Variants in ZNF385D observed in about 807,000 individuals in gnomAD.
ZNF385D encodes zinc finger protein 385D.
Under a neutral mutation model 35.8 loss-of-function variants are expected in ZNF385D, and 15 were observed. That is an observed-to-expected ratio of 0.42 (90% CI 0.28 to 0.64). The LOEUF (loss-of-function observed/expected upper bound fraction) is 0.64. Among genes scored for constraint, ZNF385D ranks in the 30% least tolerant of loss-of-function variants. The pLI, the probability that ZNF385D is intolerant of heterozygous loss-of-function variation, is 0.23. For synonymous variants in ZNF385D, 212 were observed against 186.8 expected, an observed-to-expected ratio of 1.13 and a Z score of -1.10; for missense variants, 474 against 494.6, an observed-to-expected ratio of 0.96 and a Z score of 0.39.
At chr3:21,678,789 T>G (rs916988030) in intron 1 of ZNF385D, among the ~76,000 whole-genome samples, 1 of 152,124 alleles carries the variant, frequency 6.6e-6, no homozygotes, top group Non-Finnish European at 1.5e-5. Context: ...TGATCTGTAC[T>G]GCATATAGTT....
intron 2 of ZNF385D, among the ~76,000 whole-genome samples, chr3:22,357,814 C>G (rs780027120): frequency 6.6e-6 from 1 of 151,856 alleles, no homozygotes; most frequent in African/African-American, 2.4e-5. Context: ...CTTCCATTCA[C>G]ATTTCATTGG....
intron 3 of ZNF385D, among the ~76,000 whole-genome samples, chr3:22,049,277 C>T (rs1366618081): frequency 2.1e-5 from 2 of 95,728 alleles, no homozygotes; most frequent in East Asian, 6.8e-4. Context: ...GCCTGGGAAA[C>T]AAGAGCGAAA....
At chr3:21,945,842 T>C (rs1482676730) in intron 3 of ZNF385D, among the ~76,000 whole-genome samples, 2 of 152,224 alleles carry the variant, frequency 1.3e-5, no homozygotes, top group African/African-American at 4.8e-5. Flanking sequence ...TATGTGTTTA[T>C]ACTGGAAACA....
chr3:22,044,951 A>C (rs1487918386), intron 3 of ZNF385D, among the ~76,000 whole-genome samples: 3 of 152,110 alleles, frequency 2.0e-5, no homozygotes, highest in African/African-American at 7.2e-5. Context: ...TACATAAAAA[A>C]AGACTGAGCT....
intron 3 of ZNF385D, among the ~76,000 whole-genome samples, chr3:21,848,634 A>G (rs982258511): frequency 6.6e-6 from 1 of 152,046 alleles, no homozygotes; most frequent in Non-Finnish European, 1.5e-5. Context: ...TGGACAATCT[A>G]AAAGAAATAA....
At chr3:21,737,128 C>T (rs6765261) in intron 1 of ZNF385D, among the ~76,000 whole-genome samples, 19,515 of 151,968 alleles carry the variant, frequency 0.13, 1,359 homozygotes, top group African/African-American at 0.19. Context: ...TTAGTAGGAA[C>T]GGAGTTTCAC....
chr3:22,132,999 G>A (rs746589640), intron 3 of ZNF385D, among the ~76,000 whole-genome samples: 5 of 152,022 alleles, frequency 3.3e-5, no homozygotes, highest in East Asian at 1.9e-4. Context: ...TAAAATGAAA[G>A]GGTTAGACTA....
intron 2 of ZNF385D, among the ~76,000 whole-genome samples, chr3:21,641,665 G>T (rs2065609932): frequency 7.1e-6 from 1 of 140,890 alleles, no homozygotes; most frequent in Non-Finnish European, 1.5e-5. Flanking sequence ...ATATAGAGAT[G>T]GGGTTTTGCC....
At chr3:22,085,433 G>C (rs558825275) in intron 3 of ZNF385D, among the ~76,000 whole-genome samples, 1 of 152,280 alleles carries the variant, frequency 6.6e-6, no homozygotes, top group South Asian at 2.1e-4. Context: ...TATCATCAGA[G>C]AATACTATAA....
chr3:21,812,956 C>G (rs1220629433), intron 3 of ZNF385D, among the ~76,000 whole-genome samples: 1 of 152,206 alleles, frequency 6.6e-6, no homozygotes, highest in East Asian at 1.9e-4. Context: ...TACGGGCCAA[C>G]TGACACCTCA....
At chr3:21,880,411 G>T (rs1224976944) in intron 3 of ZNF385D, among the ~76,000 whole-genome samples, 3 of 151,860 alleles carry the variant, frequency 2.0e-5, no homozygotes. Flanking sequence ...CACTGTATCT[G>T]TCATGTTGAT....
Position 21,737,512 on chromosome 3 carries a change from G to A in ZNF385D, c.22+13383C>T, listed in dbSNP as rs555984637. Among the ~76,000 whole-genome samples the A allele has an allele frequency of 8.5e-4, 129 of 151,160 alleles. 3 individuals carry two copies. The highest frequency in any genetic ancestry group is 3.0e-3 in the African/African-American group (125 of 41,194). On this transcript the variant is annotated intron_variant, in intron 1 of 7. Transcript: ENST00000281523. ...ACATACACATAAGATAGATAGATAC[G>A]TATGTATACGAAATATATACACACA...
intron 5 of ZNF385D, among the ~76,000 whole-genome samples, chr3:21,426,329 G>C (rs764868512): frequency 5.9e-5 from 9 of 152,116 alleles, no homozygotes; most frequent in Non-Finnish European, 8.8e-5. Flanking sequence ...GGGTGGACTC[G>C]TAACCCAAGC....
intron 3 of ZNF385D, among the ~76,000 whole-genome samples, chr3:21,909,392 G>A (rs1348765837): frequency 6.6e-6 from 1 of 152,030 alleles, no homozygotes; most frequent in Admixed American, 6.6e-5. Context: ...ATGTCAGGGT[G>A]GGAACCAAGA....
At chr3:21,663,553 G>A (rs1575419490) in intron 2 of ZNF385D, among the ~76,000 whole-genome samples, 1 of 151,878 alleles carries the variant, frequency 6.6e-6, no homozygotes. Flanking sequence ...GGAACCCAGG[G>A]GATTTCAGTG....
intron 3 of ZNF385D, among the ~76,000 whole-genome samples, chr3:21,861,231 G>A (rs527497422): frequency 4.0e-5 from 6 of 151,840 alleles, no homozygotes; most frequent in Admixed American, 6.6e-5. Flanking sequence ...TATTTTTTTC[G>A]TGCCATAGTC....
intron 2 of ZNF385D, among the ~76,000 whole-genome samples, chr3:21,657,430 T>C (rs1178582532): frequency 6.6e-6 from 1 of 151,992 alleles, no homozygotes; most frequent in Non-Finnish European, 1.5e-5. Context: ...AACTTTCCAT[T>C]CTGCAGAAAG....
At chr3:22,153,300 G>A (rs1705373619) in intron 3 of ZNF385D, among the ~76,000 whole-genome samples, 1 of 151,758 alleles carries the variant, frequency 6.6e-6, no homozygotes, top group African/African-American at 2.4e-5. Context: ...TCACCTGCTG[G>A]GCTGAGTGGT....
intron 3 of ZNF385D, among the ~76,000 whole-genome samples, chr3:22,156,692 TCTCTTTC>T (rs1212019069): frequency 1.3e-5 from 2 of 152,094 alleles, no homozygotes; most frequent in African/African-American, 4.8e-5. Context: ...GCCACAGCCA[TCTCTTTC>T]CTCTTCCTCA....
Sources: allele counts gnomAD v4.1 joint callset (sites outside exome capture counted in the v4.1 genomes callset), GRCh38; gene constraint gnomAD v4.1.1; transcripts MANE v1.5; gene names NCBI Gene and HGNC (gene_info 2026-07-23, HGNC 2026-07-21).